The following CNTNAP5 variants were observed in gnomAD, a reference collection of about 807,000 sequenced individuals.
CNTNAP5 encodes contactin associated protein family member 5.
A neutral mutation model predicts 150.2 loss-of-function variants in CNTNAP5; 72 were observed. The observed-to-expected ratio is 0.48, with a 90% CI of 0.40 to 0.58. CNTNAP5 has a LOEUF of 0.58. Among genes scored for constraint, CNTNAP5 ranks in the 20% least tolerant of loss-of-function variants. The probability of loss-of-function intolerance (pLI) is 0.00; values close to 1 mark genes in which losing one functional copy is unlikely to be tolerated. For synonymous variants in CNTNAP5, 672 were observed against 619.8 expected (o/e 1.08, Z -1.25); for missense variants, 1,636 against 1,626.2 (o/e 1.01, Z -0.10).
intron 8 of CNTNAP5, among the ~76,000 whole-genome samples, chr2:124,513,470 C>T (rs1694638943): frequency 6.6e-6 from 1 of 152,074 alleles, no homozygotes; most frequent in South Asian, 2.1e-4. Flanking sequence ...TGACCAATGC[C>T]CTTCTCATCA....
intron 3 of CNTNAP5, among the ~76,000 whole-genome samples, chr2:124,249,877 C>A (rs141911186): frequency 9.5e-4 from 145 of 152,132 alleles, no homozygotes; most frequent in Middle Eastern, 3.4e-3. Flanking sequence ...GTCAATGATG[C>A]TAGCTAGGTG....
intron 10 of CNTNAP5, among the ~76,000 whole-genome samples, chr2:124,537,836 A>G (rs1233532983): frequency 6.6e-6 from 1 of 152,172 alleles, no homozygotes; most frequent in African/African-American, 2.4e-5. Flanking sequence ...GTGGATCATT[A>G]TCTTGATGAA....
intron 19 of CNTNAP5, among the ~76,000 whole-genome samples, chr2:124,844,778 T>G (rs1394627123): frequency 1.3e-5 from 2 of 152,078 alleles, no homozygotes; most frequent in African/African-American, 2.4e-5. Flanking sequence ...CTTCTGTTGG[T>G]CTACAGCAGA....
At chr2:124,786,284 G>T (rs1326215729) in intron 17 of CNTNAP5, among the ~76,000 whole-genome samples, 4 of 146,812 alleles carry the variant, frequency 2.7e-5, no homozygotes, top group Non-Finnish European at 3.0e-5. Flanking sequence ...AAATAGGCAG[G>T]CAGGAAGGAA....
intron 10 of CNTNAP5, among the ~76,000 whole-genome samples, chr2:124,552,594 A>G (rs1468486447): frequency 6.6e-6 from 1 of 152,214 alleles, no homozygotes; most frequent in Non-Finnish European, 1.5e-5. Context: ...TCTGATAGCA[A>G]GCATATACAC....
chr2:124,871,852 T>A (rs721969), intron 21 of CNTNAP5, among the ~76,000 whole-genome samples: 5 of 152,260 alleles, frequency 3.3e-5, no homozygotes, highest in Admixed American at 6.6e-5. Flanking sequence ...TATCTATGTA[T>A]CCAGTTCCTA....
At chr2:124,837,590 T>G (rs1181406198) in intron 19 of CNTNAP5, among the ~76,000 whole-genome samples, 1 of 152,154 alleles carries the variant, frequency 6.6e-6, no homozygotes, top group Non-Finnish European at 1.5e-5. Context: ...GGGAGAGTTA[T>G]TTGGGTCATT....
chr2:124,563,463 A>G (rs759013601), intron 11 of CNTNAP5, 140 bp downstream of exon 11: 1 of 607,000 alleles, frequency 1.6e-6, no homozygotes, highest in Non-Finnish European at 2.9e-6. Flanking sequence ...GTTATTATAT[A>G]CCAAACACTT....
intron 16 of CNTNAP5, among the ~76,000 whole-genome samples, chr2:124,766,600 G>A (rs1681074338): frequency 6.6e-6 from 1 of 152,140 alleles, no homozygotes. Context: ...GCTTTGGTGT[G>A]AAACAAGATC....
At position 124,643,055 on chromosome 2, in the gene CNTNAP5, C is replaced by T. The variant is rs537023232; in HGVS notation, c.1877-4703C>T. Among the ~76,000 whole-genome samples the T allele has an allele frequency of 2.0e-5, 3 of 152,276 alleles. No homozygotes were observed. The South Asian group carries it at 6.2e-4, about 32-fold the overall frequency. On this transcript the variant is annotated intron_variant, in intron 12 of 23. Coordinates refer to ENST00000682447, the MANE Select transcript of CNTNAP5 (RefSeq NM_001367498.1). ...TGAGATCATTGACACTCATGCCAAC[C>T]CACTGTGCTGAATGCAACTTTAAAA...
intron 1 of CNTNAP5, among the ~76,000 whole-genome samples, chr2:124,105,747 A>C (rs969440338): frequency 1.3e-5 from 2 of 152,112 alleles, no homozygotes; most frequent in African/African-American, 4.8e-5. Flanking sequence ...ATTTCCAGGT[A>C]GTAGAATAAA....
intron 12 of CNTNAP5, among the ~76,000 whole-genome samples, chr2:124,636,996 C>T (rs184030503): frequency 1.9e-3 from 291 of 151,982 alleles, no homozygotes; most frequent in African/African-American, 6.0e-3. Context: ...TAATTTAAAT[C>T]GAAAGACTTT....
At chr2:124,905,179 G>C (rs4453701) in intron 22 of CNTNAP5, among the ~76,000 whole-genome samples, 14,447 of 142,252 alleles carry the variant, frequency 0.1, 988 homozygotes, top group Non-Finnish European at 0.14. Context: ...TACATGAAAA[G>C]GTGCTTAACA....
At chr2:124,666,116 G>A (rs1156408472) in intron 13 of CNTNAP5, among the ~76,000 whole-genome samples, 1 of 152,184 alleles carries the variant, frequency 6.6e-6, no homozygotes, top group Non-Finnish European at 1.5e-5. Context: ...TAGTCCTGAA[G>A]CGGTTGGGTT....
At chr2:124,341,853 C>T (rs1689625580) in intron 3 of CNTNAP5, among the ~76,000 whole-genome samples, 1 of 152,060 alleles carries the variant, frequency 6.6e-6, no homozygotes, top group Admixed American at 6.6e-5. Context: ...GTGGTGATTT[C>T]CCTGAAGGTT....
At chr2:124,140,220 C>T (rs1309184423) in intron 1 of CNTNAP5, among the ~76,000 whole-genome samples, 2 of 150,122 alleles carry the variant, frequency 1.3e-5, no homozygotes, top group African/African-American at 2.4e-5. Context: ...GGAGGGGCGC[C>T]CGCCATTGCC....
chr2:124,792,542 A>G (rs1052393846), intron 18 of CNTNAP5, among the ~76,000 whole-genome samples: 3 of 152,126 alleles, frequency 2.0e-5, no homozygotes, highest in African/African-American at 4.8e-5. Context: ...TAATTTATAT[A>G]CCATAAAACC....
Position 124,706,662 on chromosome 2 carries a change from A to C in CNTNAP5, c.2078-40567A>C, listed in dbSNP as rs1679644042. On this transcript the variant is annotated intron_variant, in intron 13 of 23. Transcript: ENST00000682447. ...CTCAGGAGGCTGAGGCAGGAGAATG[A>C]CTTGAACCTGGGAGGTGGAGGTTGC... 2.0e-5 allele frequency among the ~76,000 whole-genome samples: 3 copies of C among 151,272 alleles called. No individual in the cohort carries two copies. The Admixed American group carries it at 2.0e-4, about 10-fold the overall frequency.
intron 10 of CNTNAP5, among the ~76,000 whole-genome samples, chr2:124,549,006 T>C (rs1695576012): frequency 6.6e-6 from 1 of 152,212 alleles, no homozygotes; most frequent in Non-Finnish European, 1.5e-5. Flanking sequence ...AGACCAGCCT[T>C]TACTCCATCA....
Sources: gnomAD v4.1 joint callset for allele counts (sites outside exome capture counted in the v4.1 genomes callset) on GRCh38, gnomAD v4.1.1 for gene constraint, MANE v1.5 for transcripts, NCBI Gene and HGNC (gene_info 2026-07-23, HGNC 2026-07-21) for gene names.